Variants in ASIC2 observed in about 807,000 individuals in gnomAD.
ASIC2 encodes acid sensing ion channel subunit 2.
ASIC2 carries 25 observed loss-of-function variants against 57.3 expected under a neutral mutation model. The ratio of observed to expected loss-of-function variants is 0.44; its 90% CI spans 0.32 to 0.61. ASIC2 has a LOEUF of 0.61. Among genes scored for constraint, ASIC2 ranks in the 20% least tolerant of loss-of-function variants. The pLI, the probability that ASIC2 is intolerant of heterozygous loss-of-function variation, is 0.06. For missense variants in ASIC2, 641 were observed against 738.1 expected (o/e 0.87, Z 1.52); for synonymous variants, 319 against 307.5 (o/e 1.04, Z -0.39).
At chr17:33,960,978 T>C (rs915477) in intron 1 of ASIC2, among the ~76,000 whole-genome samples, 17,185 of 152,140 alleles carry the variant, frequency 0.11, 1,101 homozygotes, top group Middle Eastern at 0.17. Context: ...AGATAAATAA[T>C]GCAGGCAACC....
chr17:33,387,090 G>T (rs1230331658), intron 1 of ASIC2, among the ~76,000 whole-genome samples: 1 of 152,126 alleles, frequency 6.6e-6, no homozygotes, highest in African/African-American at 2.4e-5. Context: ...GTTTCACCAT[G>T]TTGGCCAGGC....
At chr17:33,490,667 C>T (rs181767923) in intron 1 of ASIC2, among the ~76,000 whole-genome samples, 138 of 152,330 alleles carry the variant, frequency 9.1e-4, no homozygotes, top group South Asian at 3.1e-3. Context: ...GCCCTGATTG[C>T]GAGGCCTCCC....
intron 2 of ASIC2, among the ~76,000 whole-genome samples, chr17:33,096,563 T>C (rs2092180565): frequency 6.6e-6 from 1 of 152,164 alleles, no homozygotes; most frequent in Non-Finnish European, 1.5e-5. Flanking sequence ...TCCAGCACAG[T>C]GAAGCCAACA....
intron 1 of ASIC2, among the ~76,000 whole-genome samples, chr17:33,469,963 C>T (rs138116742): frequency 1.2e-4 from 18 of 151,998 alleles, no homozygotes; most frequent in Admixed American, 3.3e-4. Context: ...TGGGGGTCAG[C>T]GGGGGCAGCT....
chr17:33,376,862 C>A (rs1909296211), intron 1 of ASIC2, among the ~76,000 whole-genome samples: 1 of 152,156 alleles, frequency 6.6e-6, no homozygotes, highest in African/African-American at 2.4e-5. Flanking sequence ...TGGCCTTGGG[C>A]ACTCTTCTAC....
chr17:33,497,259 C>G (rs1231778581), intron 1 of ASIC2, among the ~76,000 whole-genome samples: 1 of 152,234 alleles, frequency 6.6e-6, no homozygotes, highest in African/African-American at 2.4e-5. Context: ...CCTTCTTGTT[C>G]TAGGTCACGA....
intron 3 of ASIC2, among the ~76,000 whole-genome samples, chr17:33,028,842 C>G (rs1403473938): frequency 2.0e-5 from 3 of 152,204 alleles, no homozygotes; most frequent in Non-Finnish European, 4.4e-5. Context: ...AATCCCAGAC[C>G]TAGACCTGGA....
At chr17:33,673,908 T>G (rs1907723429) in intron 1 of ASIC2, among the ~76,000 whole-genome samples, 1 of 151,692 alleles carries the variant, frequency 6.6e-6, no homozygotes, top group Non-Finnish European at 1.5e-5. Context: ...TTTTTTTTTT[T>G]TTTGGAGACG....
chr17:33,563,541 GC>G (rs1179125789), intron 1 of ASIC2, among the ~76,000 whole-genome samples: 4 of 152,146 alleles, frequency 2.6e-5, no homozygotes, highest in Non-Finnish European at 5.9e-5. Context: ...GGTACTCTTG[GC>G]CTTTACCTAC....
chr17:33,846,141 T>G (rs1186521086), intron 1 of ASIC2, among the ~76,000 whole-genome samples: 2 of 152,154 alleles, frequency 1.3e-5, no homozygotes, highest in Non-Finnish European at 2.9e-5. Context: ...TTTAAATGCT[T>G]CCATGTCCAG....
At chr17:33,495,593 C>T (rs8065931) in intron 1 of ASIC2, among the ~76,000 whole-genome samples, 4,840 of 152,234 alleles carry the variant, frequency 0.032, 105 homozygotes, top group African/African-American at 0.058. Flanking sequence ...CCACAGTGGC[C>T]GTTCCTGCTT....
chr17:34,117,223 T>C lies in ASIC2; in HGVS notation c.555+38755A>G, dbSNP rs184285253. Among the ~76,000 whole-genome samples the C allele has an allele frequency of 4.6e-5, 7 of 152,224 alleles. No individual in the cohort carries two copies. The East Asian group carries it at 1.4e-3, about 29-fold the overall frequency. ...TATACTAGGGAAGAGGAGAGAAAGA[T>C]GAATAAGGTCTTATCTCTGGTGGAA... On this transcript the variant is annotated intron_variant, in intron 1 of 9. Coordinates refer to the ASIC2 transcript ENST00000359872.
intron 1 of ASIC2, among the ~76,000 whole-genome samples, chr17:33,559,685 C>G (rs1916012732): frequency 6.6e-6 from 1 of 152,172 alleles, no homozygotes; most frequent in African/African-American, 2.4e-5. Context: ...AGTGATATTT[C>G]CATCTGATCA....
chr17:33,269,688 T>C (rs80027038), intron 1 of ASIC2, among the ~76,000 whole-genome samples: 23,706 of 62,550 alleles, frequency 0.38, 3,341 homozygotes, highest in South Asian at 0.47. Flanking sequence ...CCCTCCCTCC[T>C]GCCTGCCTGC....
intron 1 of ASIC2, among the ~76,000 whole-genome samples, chr17:33,923,218 A>G (rs1220970825): frequency 6.6e-6 from 1 of 152,194 alleles, no homozygotes; most frequent in East Asian, 1.9e-4. Flanking sequence ...GTGCCAAAAG[A>G]GAAAATGAGG....
At chr17:33,616,252 T>G (rs947025602) in intron 1 of ASIC2, among the ~76,000 whole-genome samples, 3 of 8,310 alleles carry the variant, frequency 3.6e-4, no homozygotes, top group Admixed American at 3.9e-3. Flanking sequence ...GAGAAAGTAT[T>G]TGGGGGTGGG....
chr17:34,132,449 C>T lies in ASIC2; in HGVS notation c.555+23529G>A, dbSNP rs140499893. On this transcript the variant is annotated intron_variant, in intron 1 of 9. Coordinates refer to the ASIC2 transcript ENST00000359872. ...CAGCTTTTATTCCCTTATTTGTCTC[C>T]GCCCATGTTCTGTTTTTGTCCTATC... 1.6e-4 allele frequency among the ~76,000 whole-genome samples: 24 copies of T among 152,120 alleles called. No individual in the cohort carries two copies. In the East Asian group the frequency reaches 2.9e-3, roughly 18 times the overall value.
chr17:33,929,019 A>T lies in ASIC2; in HGVS notation c.555+226959T>A, dbSNP rs963673999. ...TTGGCATCTTTATCATGACCCACCC[A>T]CTCGCATGCTTTTACTCAAACCAGA... On this transcript the variant is annotated intron_variant, in intron 1 of 9. Transcript: ENST00000359872. Among the ~76,000 whole-genome samples, 44 of 151,778 alleles carry T rather than the reference A, an allele frequency of 2.9e-4. No individual in the cohort carries two copies. In the South Asian group the frequency reaches 4.2e-3, roughly 14 times the overall value.
intron 1 of ASIC2, among the ~76,000 whole-genome samples, chr17:33,122,087 T>G (rs991212980): frequency 6.6e-6 from 1 of 152,236 alleles, no homozygotes; most frequent in Non-Finnish European, 1.5e-5. Context: ...TCCCTGCTTT[T>G]AGGAGGGCAA....
Sources: allele counts gnomAD v4.1 joint callset (sites outside exome capture counted in the v4.1 genomes callset), GRCh38; gene constraint gnomAD v4.1.1; transcripts MANE v1.5; gene names NCBI Gene and HGNC (gene_info 2026-07-23, HGNC 2026-07-21).